CYTH2: variants seen among roughly 807,000 people sequenced by gnomAD.
The protein encoded by CYTH2 is cytohesin 2, also known as cytohesin-2.
In CYTH2, 24 loss-of-function variants were observed where a neutral mutation model predicts 55.4. The observed-to-expected ratio is 0.43, with a 90% CI of 0.31 to 0.61. The LOEUF is 0.61. Ranked by LOEUF, CYTH2 falls within the 20% of genes least tolerant of loss-of-function variation. The pLI, the probability that CYTH2 is intolerant of heterozygous loss-of-function variation, is 0.08. For synonymous variants in CYTH2, 221 were observed against 209.6 expected (o/e 1.05, Z -0.47); for missense variants, 378 against 533.5 (o/e 0.71, Z 2.87).
intron 8 of CYTH2, chr19:48,476,047 G>A (rs1971906427): frequency 1.9e-6 from 1 of 518,602 alleles, no homozygotes; most frequent in Non-Finnish European, 3.9e-6. Context: ...GGGCAGCTTT[G>A]GCCTCTGAGT....
intron 3 of CYTH2, among the ~76,000 whole-genome samples, chr19:48,471,943 C>T (rs1971806660): frequency 6.6e-6 from 1 of 152,122 alleles, no homozygotes; most frequent in African/African-American, 2.4e-5. Context: ...ATAGTCCCAG[C>T]TTCTGAGGAG....
At position 48,469,376 on chromosome 19, in the gene CYTH2, A is replaced by T. The variant is rs372002789; in HGVS notation, c.-132A>T. 9.6e-7 allele frequency: 1 copy of T among 1,041,104 alleles called. No individual in the cohort carries two copies. The highest frequency in any genetic ancestry group is 1.3e-6 in the Non-Finnish European group (1 of 796,022). The allele number at this position is 1,041,104 out of a possible 1,614,324, so 64.5% of individuals were successfully genotyped here. On this transcript the variant is annotated 5_prime_UTR_variant, in exon 1 of 12. Coordinates refer to ENST00000452733, the MANE Select transcript of CYTH2 (RefSeq NM_004228.7). ...GAAGGGAAGAGTCTTTTCAGCGCTG[A>T]GGACTGGCGCTGAGGAGGCGGCGGT...
chr19:48,469,762 G>GGAGT (rs1971746944), intron 1 of CYTH2: 2 of 683,822 alleles, frequency 2.9e-6, no homozygotes, highest in South Asian at 3.9e-5. Flanking sequence ...GGGGCGGGAT[G>GGAGT]GAGTGGTGGA....
chr19:48,476,576 C>G (rs1277911564), intron 8 of CYTH2: 1 of 152,406 alleles, frequency 6.6e-6, no homozygotes, highest in Non-Finnish European at 1.5e-5. Context: ...GGAACTGCTT[C>G]CCTCAAAACT....
chr19:48,474,243 T>C lies in CYTH2; in HGVS notation c.609T>C (p.Asn203=), dbSNP rs1215148563. 1.2e-6 allele frequency: 2 copies of C among 1,613,266 alleles called. No homozygotes were observed. Among genetic ancestry groups the C allele is most frequent in the Non-Finnish European group, 1.7e-6 (2 of 1,179,610 alleles). The change falls in exon 7 of 12, where the codon AAT becomes AAC. Residue 203 remains asparagine, a synonymous_variant. Transcript: ENST00000452733. The surrounding 1 kb of genome is among the most constrained non-coding windows in gnomAD (Gnocchi z 4.9). ...TCAACACCAGTCTCCACAATCCCAA[T>C]GTCCGGGACAAGCCGGGCCTGGAGC... is the stretch of plus-strand genomic sequence containing the variant. The part of the protein sequence containing the change: ...IMLNTSLHNP[N]VRDKPGLERF...
intron 8 of CYTH2, 172 bp downstream of exon 8, chr19:48,475,121 G>A (rs1971885907): frequency 6.5e-6 from 4 of 614,206 alleles, no homozygotes; most frequent in Non-Finnish European, 1.1e-5. Context: ...AATCAGGCCT[G>A]TGTGCTGGGC....
chr19:48,477,420 C>G (rs1004194291), intron 8 of CYTH2: 1 of 153,898 alleles, frequency 6.5e-6, no homozygotes, highest in Non-Finnish European at 1.4e-5. Flanking sequence ...GGCCCTGTAC[C>G]GAAGCAAGGG....
rs1026344452 is a variant in CYTH2, at chr19:48,474,666, C to T, written c.697-172C>T. 8.6e-5 allele frequency among the ~76,000 whole-genome samples: 13 copies of T among 152,034 alleles called. No individual in the cohort carries two copies. Among genetic ancestry groups the T allele is most frequent in the South Asian group, 2.1e-4 (1 of 4,816 alleles). ...TCACCAGGGCATCTCTTCTTTCCTC[C>T]GCCACCTCAGCCTCCCTCCACTTCT... On this transcript the variant is annotated intron_variant, in intron 7 of 11. Transcript: ENST00000452733. The surrounding 1 kb of genome is among the most constrained non-coding windows in gnomAD (Gnocchi z 4.9).
Position 48,474,824 on chromosome 19 carries a change from C to T in CYTH2, c.697-14C>T. On this transcript the variant is annotated splice_polypyrimidine_tract_variant and intron_variant, in intron 7 of 11. Transcript: ENST00000452733. This position sits in a 1 kb window ranked among gnomAD's most constrained non-coding sequence, Gnocchi z 4.9. ...CAGGGGGCTCGAATGGCTAATGCAG[C>T]CTTTACTCCTCAGAACCTGTACGAC... 1 of 1,613,752 alleles carries T rather than the reference C, an allele frequency of 6.2e-7. No homozygotes were observed. The highest frequency in any genetic ancestry group is 8.5e-7 in the Non-Finnish European group (1 of 1,179,694).
In CYTH2 at chr19:48,474,286, C is replaced by G; in HGVS notation, c.652C>G (p.Arg218Gly). 1.2e-6 allele frequency: 2 copies of G among 1,613,270 alleles called. No individual in the cohort carries two copies. The highest frequency in any genetic ancestry group is 1.7e-6 in the Non-Finnish European group (2 of 1,179,550). ...PGLERFVAMN[R>G]GINEGGDLPE... The stretch of plus-strand genomic sequence containing the variant: ...CCTGGAGCGCTTTGTGGCCATGAAC[C>G]GGGGCATCAACGAGGGCGGGGACCT... The change falls in exon 7 of 12, where the codon CGG becomes GGG. Residue 218 changes from arginine (R) to glycine (G), a missense_variant. Physicochemically the swap from Arg to Gly is moderately radical, Grantham distance 125 (BLOSUM62 -2). Coordinates refer to ENST00000452733, the MANE Select transcript of CYTH2 (RefSeq NM_004228.7). This position sits in a 1 kb window ranked among gnomAD's most constrained non-coding sequence, Gnocchi z 4.9.
Position 48,478,581 on chromosome 19 carries a change from C to G in CYTH2, c.1101C>G (p.Ile367Met). Residue 367 changes from isoleucine to methionine, a missense_variant, in exon 11 of 12, where the codon ATC becomes ATG. Coordinates refer to ENST00000452733, the MANE Select transcript of CYTH2 (RefSeq NM_004228.7). ...APTQEEKDEW[I>M]KSIQAAVSVD... is the part of the protein sequence containing the mutation. ...CGCAGGAGGAGAAGGACGAGTGGAT[C>G]AAGTCCATCCAGTGAGCCTGGACTC... is the stretch of plus-strand genomic sequence containing the variant. 6.2e-7 allele frequency: 1 copy of G among 1,610,120 alleles called. No homozygotes were observed. The highest frequency in any genetic ancestry group is 2.2e-5 in the East Asian group (1 of 44,724).
intron 5 of CYTH2, 68 bp from the exon 6 acceptor site, chr19:48,473,837 C>T: frequency 6.3e-6 from 8 of 1,275,222 alleles, no homozygotes; most frequent in Non-Finnish European, 8.7e-6. Context: ...GTTCCTAACA[C>T]AGGGACTGAG....
At position 48,475,710 on chromosome 19, in the gene CYTH2, C is replaced by T. The variant is rs546292516; in HGVS notation, c.808+761C>T. On this transcript the variant is annotated intron_variant, in intron 8 of 11. Coordinates refer to ENST00000452733, the MANE Select transcript of CYTH2 (RefSeq NM_004228.7). ...ATTTGCCTGGGCAACTCGAAAACTCCGGTGGCTGGGCCATAGACTCCTGAA... is the reference window on the plus strand; with the variant it reads ...ATTTGCCTGGGCAACTCGAAAACTCTGGTGGCTGGGCCATAGACTCCTGAA... 5.4e-4 allele frequency: 97 copies of T among 180,514 alleles called. 1 individual carries two copies. The South Asian group carries it at 7.8e-3, about 15-fold the overall frequency. 11.2% of individuals were successfully genotyped at this position (180,514 alleles called of 1,614,324 possible). A position where few individuals can be genotyped will look rare whatever the true frequency, so the allele number is the denominator to read the frequency against.
At chr19:48,477,416 G>C (rs1971936069) in intron 8 of CYTH2, 1 of 153,892 alleles carries the variant, frequency 6.5e-6, no homozygotes, top group Non-Finnish European at 1.4e-5. Context: ...CTGGGGCCCT[G>C]TACCGAAGCA....
chr19:48,478,005 C>A, intron 8 of CYTH2, 64 bp from the exon 9 acceptor site: 2 of 1,376,162 alleles, frequency 1.5e-6, no homozygotes, highest in Non-Finnish European at 2.1e-6. Context: ...TCACGCCCCT[C>A]CCATCTCCCA....
chr19:48,478,121 C>T lies in CYTH2; in HGVS notation c.861C>T (p.Cys287=), dbSNP rs767892035. 6.2e-7 allele frequency: 1 copy of T among 1,614,140 alleles called. No individual in the cohort carries two copies. The highest frequency in any genetic ancestry group is 8.5e-7 in the Non-Finnish European group (1 of 1,180,008). Residue 287 remains cysteine (C), a synonymous_variant, in exon 9 of 12, where the codon TGC becomes TGT. Coordinates refer to ENST00000452733, the MANE Select transcript of CYTH2 (RefSeq NM_004228.7). ...GCTGGTTTATCCTCACAGACAACTG[C>T]CTCTACTACTTTGAGTACACCACGG... ...KRRWFILTDN[C]LYYFEYTTDK...
chr19:48,473,251 T>G, intron 4 of CYTH2, 47 bp from the exon 5 acceptor site: 1 of 1,605,264 alleles, frequency 6.2e-7, no homozygotes, highest in Non-Finnish European at 8.5e-7. Context: ...TGCCCATTCC[T>G]GCCCCATCCT....
chr19:48,479,070 G>A, intron 11 of CYTH2, 53 bp from the exon 12 acceptor site: 1 of 1,579,992 alleles, frequency 6.3e-7, no homozygotes, highest in Non-Finnish European at 8.7e-7. Flanking sequence ...GGGAGGAGGG[G>A]CTGGAGGCCT....
Position 48,474,658 on chromosome 19 carries a change from C to T in CYTH2, c.697-180C>T, listed in dbSNP as rs1320574875. Among the ~76,000 whole-genome samples the T allele has an allele frequency of 6.6e-6, 1 of 152,106 alleles. No homozygotes were observed. Among genetic ancestry groups the T allele is most frequent in the Non-Finnish European group, 1.5e-5 (1 of 68,002 alleles). On this transcript the variant is annotated intron_variant, in intron 7 of 11. Transcript: ENST00000452733. This position sits in a 1 kb window ranked among gnomAD's most constrained non-coding sequence, Gnocchi z 4.9. ...TCCACCTATCACCAGGGCATCTCTT[C>T]TTTCCTCCGCCACCTCAGCCTCCCT... is the stretch of plus-strand genomic sequence containing the variant.
Sources: allele counts gnomAD v4.1 joint callset (sites outside exome capture counted in the v4.1 genomes callset), GRCh38; gene constraint gnomAD v4.1.1; non-coding constraint Gnocchi (gnomAD v3.1); transcripts MANE v1.5; gene names NCBI Gene and HGNC (gene_info 2026-07-23, HGNC 2026-07-21).